PCNX2: variants seen among roughly 807,000 people sequenced by gnomAD.
The protein encoded by PCNX2 is pecanex-like protein 2.
A neutral mutation model predicts 223.8 loss-of-function variants in PCNX2; 168 were observed. The ratio of observed to expected loss-of-function variants is 0.75; its 90% CI spans 0.66 to 0.85. The LOEUF is 0.85. PCNX2 is among the 40% of genes least tolerant of loss of function. The pLI is 0.00. For missense variants in PCNX2, 2,507 were observed against 2,675.5 expected, an observed-to-expected ratio of 0.94 and a Z score of 1.39; for synonymous variants, 1,006 against 1,052.6, an observed-to-expected ratio of 0.96 and a Z score of 0.86.
intron 25 of PCNX2, among the ~76,000 whole-genome samples, chr1:233,048,142 GA>G (rs572271840): frequency 4.0e-5 from 6 of 149,164 alleles, no homozygotes; most frequent in South Asian, 2.1e-4. Context: ...AGGCAAAAAT[GA>G]AAAAAAAAAT....
chr1:233,292,877 A>G (rs141419167), intron 1 of PCNX2, among the ~76,000 whole-genome samples: 23 of 152,348 alleles, frequency 1.5e-4, no homozygotes, highest in African/African-American at 5.3e-4. Flanking sequence ...CAATTATTCT[A>G]TAATAGTTAA....
rs1220510719 is a variant in PCNX2 at position 233,129,179 on chromosome 1, TC to T, written c.3837+5833del. ...GTGGCGCTTGTGGGCCAGCTAGAGT[TC>T]CGGATGGGCGTGGGCTTGGCGGGCC... On this transcript the variant is annotated intron_variant, in intron 21 of 33. Transcript: ENST00000258229. Among the ~76,000 whole-genome samples the T allele has an allele frequency of 3.3e-5, 5 of 152,300 alleles. No individual in the cohort carries two copies. The East Asian group carries it at 9.7e-4, about 29-fold the overall frequency.
At chr1:233,147,280 T>A (rs557323681) in intron 19 of PCNX2, among the ~76,000 whole-genome samples, 10 of 152,318 alleles carry the variant, frequency 6.6e-5, no homozygotes, top group African/African-American at 2.4e-4. Context: ...AAACAGATGA[T>A]TAACACATAT....
At chr1:233,266,636 G>T (rs1218104969) in intron 1 of PCNX2, among the ~76,000 whole-genome samples, 1 of 152,192 alleles carries the variant, frequency 6.6e-6, no homozygotes, top group Non-Finnish European at 1.5e-5. Flanking sequence ...GAGCAGTTAT[G>T]AATTGTTCCT....
intron 25 of PCNX2, chr1:233,031,755 T>G: frequency 3.0e-6 from 3 of 984,422 alleles, no homozygotes; most frequent in Non-Finnish European, 3.6e-6. Context: ...CTGCCAGACC[T>G]CCTTGCTTTG....
intron 21 of PCNX2, among the ~76,000 whole-genome samples, chr1:233,119,800 A>G (rs1248042447): frequency 6.6e-6 from 1 of 152,152 alleles, no homozygotes; most frequent in Non-Finnish European, 1.5e-5. Context: ...GACCCTATTA[A>G]GAGAAGGAAA....
At chr1:233,313,940 C>T in the PCNX2 span, among the ~76,000 whole-genome samples, 1 of 152,152 alleles carries the variant, frequency 6.6e-6, no homozygotes, top group Admixed American at 6.5e-5. Context: ...TGTGGAGGCC[C>T]ATTTAGCCAC....
intron 25 of PCNX2, among the ~76,000 whole-genome samples, chr1:233,043,172 T>C (rs1189340091): frequency 1.3e-5 from 2 of 152,216 alleles, no homozygotes; most frequent in African/African-American, 2.4e-5. Flanking sequence ...CATTCATTTT[T>C]CTCCTCTTCT....
intron 32 of PCNX2, among the ~76,000 whole-genome samples, chr1:232,992,781 T>C (rs1669746570): frequency 6.6e-6 from 1 of 152,176 alleles, no homozygotes; most frequent in Non-Finnish European, 1.5e-5. Flanking sequence ...GGGGGCATGG[T>C]TCCCCCAGGC....
At chr1:233,056,636 T>A (rs1672201282) in intron 24 of PCNX2, among the ~76,000 whole-genome samples, 1 of 152,320 alleles carries the variant, frequency 6.6e-6, no homozygotes, top group Non-Finnish European at 1.5e-5. Flanking sequence ...ATGAGCACGA[T>A]ACAATTGTTC....
intron 21 of PCNX2, among the ~76,000 whole-genome samples, chr1:233,116,724 C>T (rs1284306210): frequency 6.6e-6 from 1 of 152,082 alleles, no homozygotes; most frequent in African/African-American, 2.4e-5. Flanking sequence ...TTGATAACAA[C>T]ATCCCACCTC....
At chr1:233,015,476 A>G (rs1670622148) in intron 27 of PCNX2, among the ~76,000 whole-genome samples, 1 of 152,124 alleles carries the variant, frequency 6.6e-6, no homozygotes, top group Non-Finnish European at 1.5e-5. Flanking sequence ...AGGCGGACAG[A>G]TCACCTGAGG....
chr1:233,262,322 C>T (rs139220094), intron 2 of PCNX2, among the ~76,000 whole-genome samples, 157 bp from the exon 3 acceptor site: 49 of 152,132 alleles, frequency 3.2e-4, no homozygotes, highest in African/African-American at 1.2e-3. Flanking sequence ...GACAGGGCTT[C>T]GCTCTGTCTG....
At chr1:233,206,063 A>C (rs1681434028) in intron 13 of PCNX2, among the ~76,000 whole-genome samples, 1 of 152,042 alleles carries the variant, frequency 6.6e-6, no homozygotes, top group South Asian at 2.1e-4. Context: ...ATGTGTGAGA[A>C]GGGGATGAGA....
chr1:233,122,057 A>G (rs1012791729), intron 21 of PCNX2, among the ~76,000 whole-genome samples: 1 of 150,840 alleles, frequency 6.6e-6, no homozygotes, highest in Non-Finnish European at 1.5e-5. Context: ...TCCTGTAGTG[A>G]CAGAAAGTTA....
chr1:233,000,259 G>T lies in PCNX2; in HGVS notation c.5328+46C>A. 1 of 1,553,548 alleles carries T rather than the reference G, an allele frequency of 6.4e-7. No individual in the cohort carries two copies. Among genetic ancestry groups the T allele is most frequent in the South Asian group, 1.1e-5 (1 of 89,576 alleles). ...CCACCATTCTATTTCTTCTCAGATA[G>T]AGAGACACGAGCCAACAGGGGACCC... On this transcript the variant is annotated intron_variant, in intron 30 of 33. Coordinates refer to ENST00000258229, the MANE Select transcript of PCNX2 (RefSeq NM_014801.4). The surrounding 1 kb of genome is among the most constrained non-coding windows in gnomAD (Gnocchi z 4.6).
intron 9 of PCNX2, among the ~76,000 whole-genome samples, chr1:233,234,041 G>C (rs1658236024): frequency 6.6e-6 from 1 of 152,076 alleles, no homozygotes; most frequent in African/African-American, 2.4e-5. Flanking sequence ...CACCACCAGA[G>C]CCTATTCTAA....
At chr1:233,145,112 C>T (rs1677365037) in intron 19 of PCNX2, among the ~76,000 whole-genome samples, 1 of 151,700 alleles carries the variant, frequency 6.6e-6, no homozygotes, top group Non-Finnish European at 1.5e-5. Context: ...CTACAGGCGC[C>T]TGCCACCACG....
chr1:233,051,464 A>C (rs1672003226), intron 25 of PCNX2, among the ~76,000 whole-genome samples: 1 of 152,218 alleles, frequency 6.6e-6, no homozygotes, highest in African/African-American at 2.4e-5. Context: ...TCAACAGTAG[A>C]CTGGATAAAG....
Sources: allele counts gnomAD v4.1 joint callset (sites outside exome capture counted in the v4.1 genomes callset), GRCh38; gene constraint gnomAD v4.1.1; non-coding constraint Gnocchi (gnomAD v3.1); transcripts MANE v1.5; gene names NCBI Gene and HGNC (gene_info 2026-07-23, HGNC 2026-07-21).